Variants in CC2D2A observed in about 807,000 individuals in gnomAD.
The protein encoded by CC2D2A is coiled-coil and C2 domain containing 2A.
CC2D2A carries 155 observed loss-of-function variants against 212.9 expected under a neutral mutation model. That is an observed-to-expected ratio of 0.73 (90% CI 0.64 to 0.83). CC2D2A has a LOEUF of 0.83. Ranked by LOEUF, CC2D2A falls within the 40% of genes least tolerant of loss-of-function variation. The pLI is 0.00. For missense variants in CC2D2A, 1,856 were observed against 1,956.2 expected, an observed-to-expected ratio of 0.95 and a Z score of 0.97; for synonymous variants, 667 against 686.5, an observed-to-expected ratio of 0.97 and a Z score of 0.44.
chr4:15,514,862 G>C lies in CC2D2A; in HGVS notation c.873G>C (p.Arg291Ser). 1 of 1,613,332 alleles carries C rather than the reference G, an allele frequency of 6.2e-7. No homozygotes were observed. Among genetic ancestry groups the C allele is most frequent in the South Asian group, 1.1e-5 (1 of 91,024 alleles). The change falls in exon 9 of 37, where the codon AGG becomes AGC. Residue 291 changes from arginine to serine, a missense_variant. By Grantham distance (110) the Arg-to-Ser change is moderately radical (BLOSUM62 -1). Transcript: ENST00000424120. ...GAGAAATGCTCTTCATACCCAGTAGGCAGACAGGTACTTGCTCTTTTTATT... is the reference window on the plus strand; with the variant it reads ...GAGAAATGCTCTTCATACCCAGTAGCCAGACAGGTACTTGCTCTTTTTATT... Reference protein sequence around the residue: ...MEREMLFIPSRQTVPTYKKLP... With the variant: ...MEREMLFIPSSQTVPTYKKLP...
chr4:15,594,709 G>A (rs1325450304), intron 33 of CC2D2A, among the ~76,000 whole-genome samples: 1 of 152,170 alleles, frequency 6.6e-6, no homozygotes, highest in Non-Finnish European at 1.5e-5. Context: ...ACGAGAAAGG[G>A]TATGCATATA....
intron 4 of CC2D2A, among the ~76,000 whole-genome samples, chr4:15,493,221 G>A (rs1299207338): frequency 1.3e-5 from 2 of 151,816 alleles, no homozygotes; most frequent in Non-Finnish European, 2.9e-5. Flanking sequence ...GTCACCTGGA[G>A]GCCCTTACCT....
intron 4 of CC2D2A, among the ~76,000 whole-genome samples, chr4:15,492,484 C>A (rs1163091487): frequency 6.6e-6 from 1 of 150,620 alleles, no homozygotes; most frequent in South Asian, 2.1e-4. Flanking sequence ...AGAGTTAATG[C>A]CAAATTCTTT....
chr4:15,510,751 A>G (rs1049047946), intron 7 of CC2D2A, among the ~76,000 whole-genome samples: 10 of 152,194 alleles, frequency 6.6e-5, no homozygotes, highest in African/African-American at 2.2e-4. Flanking sequence ...ATGGAAAGAC[A>G]GGAAATGTTG....
chr4:15,575,942 T>A (rs2109079505), intron 29 of CC2D2A, among the ~76,000 whole-genome samples: 1 of 152,290 alleles, frequency 6.6e-6, no homozygotes, highest in Non-Finnish European at 1.5e-5. Flanking sequence ...GCAGAAAGGA[T>A]GAAAGCCCAA....
rs1204225662 is a variant in CC2D2A at position 15,550,928 on chromosome 4, G to A, written c.2286G>A (p.Val762=). Residue 762 remains valine (V), a synonymous_variant, in exon 18 of 37, where the codon GTG becomes GTA. Coordinates refer to ENST00000424120, the MANE Select transcript of CC2D2A (RefSeq NM_001378615.1). ...CTGGAAGGGCTCCTACTGAAGAAGT[G>A]GAGTTTAGCAGTAATCAGCATGTGA... ...VVTGRAPTEE[V]EFSSNQHVTL... 9.9e-6 allele frequency: 16 copies of A among 1,608,588 alleles called. No individual in the cohort carries two copies. In the Middle Eastern group the frequency reaches 6.7e-4, roughly 67 times the overall value.
intron 13 of CC2D2A, among the ~76,000 whole-genome samples, chr4:15,531,401 A>G (rs1017090037): frequency 2.0e-5 from 3 of 152,050 alleles, no homozygotes; most frequent in Non-Finnish European, 2.9e-5. Flanking sequence ...TTTGACCATC[A>G]TTCTCCTCTG....
chr4:15,589,429 C>T (rs1720993430), intron 32 of CC2D2A, 116 bp from the exon 33 acceptor site: 3 of 915,916 alleles, frequency 3.3e-6, no homozygotes, highest in Non-Finnish European at 4.9e-6. Context: ...CACCATTAAC[C>T]ATGAAATTTC....
chr4:15,553,497 T>C (rs376187436), intron 19 of CC2D2A, among the ~76,000 whole-genome samples, 192 bp downstream of exon 19: 59 of 152,350 alleles, frequency 3.9e-4, no homozygotes, highest in Middle Eastern at 6.8e-3. Flanking sequence ...AATTAAAATA[T>C]TAATAGCCTA....
intron 20 of CC2D2A, 72 bp downstream of exon 20, chr4:15,555,282 T>A: frequency 6.5e-7 from 1 of 1,543,796 alleles, no homozygotes; most frequent in Non-Finnish European, 8.8e-7. Flanking sequence ...CACTATCTTC[T>A]CCTATGCAAT....
chr4:15,537,416 G>A (rs1718192264), intron 15 of CC2D2A, among the ~76,000 whole-genome samples: 1 of 152,160 alleles, frequency 6.6e-6, no homozygotes, highest in South Asian at 2.1e-4. Context: ...TCCATTAAAT[G>A]TAGGGATTGA....
intron 1 of CC2D2A, among the ~76,000 whole-genome samples, chr4:15,471,566 T>C (rs1236631758): frequency 6.6e-6 from 1 of 151,716 alleles, no homozygotes; most frequent in Non-Finnish European, 1.5e-5. Flanking sequence ...ACACATTTCA[T>C]CATTTAGCCC....
In CC2D2A at chr4:15,571,666, G is replaced by C. The variant is rs138805334; in HGVS notation, c.3594+1170G>C. 9.0e-3 allele frequency among the ~76,000 whole-genome samples: 1,364 copies of C among 151,246 alleles called. 7 individuals carry two copies. Among genetic ancestry groups the C allele is most frequent in the South Asian group, 0.027 (130 of 4,758 alleles). On this transcript the variant is annotated intron_variant, in intron 28 of 36. Transcript: ENST00000424120. Reference sequence around the variant, plus strand: ...AGGCTTGAATTGGTTGGTATCCCAAGAATCAATTGGAAATGCAATCTTCCC... The same window carrying C: ...AGGCTTGAATTGGTTGGTATCCCAACAATCAATTGGAAATGCAATCTTCCC...
intron 28 of CC2D2A, among the ~76,000 whole-genome samples, chr4:15,573,794 A>G (rs1047719503): frequency 1.3e-5 from 2 of 152,234 alleles, no homozygotes; most frequent in Non-Finnish European, 2.9e-5. Context: ...TTCACTACTC[A>G]TAACAACCCC....
chr4:15,486,470 T>C (rs1232695737), intron 4 of CC2D2A, among the ~76,000 whole-genome samples: 1 of 152,120 alleles, frequency 6.6e-6, no homozygotes, highest in Admixed American at 6.5e-5. Flanking sequence ...TAATAGTCTC[T>C]AATAATCCTT....
At chr4:15,479,020 G>A (rs1414561659) in intron 3 of CC2D2A, among the ~76,000 whole-genome samples, 7 of 152,066 alleles carry the variant, frequency 4.6e-5, no homozygotes, top group African/African-American at 9.7e-5. Flanking sequence ...ACAATAAGGC[G>A]GGGGTCCATA....
chr4:15,501,077 C>T (rs1363315928), intron 4 of CC2D2A, among the ~76,000 whole-genome samples: 2 of 152,144 alleles, frequency 1.3e-5, no homozygotes, highest in South Asian at 4.1e-4. Flanking sequence ...CTCAGATTCC[C>T]TCACTTTTTC....
chr4:15,536,089 G>T (rs4698114), intron 14 of CC2D2A, among the ~76,000 whole-genome samples: 45,906 of 152,066 alleles, frequency 0.3, 7,864 homozygotes, highest in Non-Finnish European at 0.4. Flanking sequence ...GGAAACGGTG[G>T]TTTGAACTGG....
chr4:15,514,611 G>T, intron 8 of CC2D2A, 96 bp from the exon 9 acceptor site: 1 of 915,352 alleles, frequency 1.1e-6, no homozygotes, highest in African/African-American at 1.7e-5. Context: ...TAAAGTTGTA[G>T]GAAATGTTAA....
Sources: allele counts gnomAD v4.1 joint callset (sites outside exome capture counted in the v4.1 genomes callset), GRCh38; gene constraint gnomAD v4.1.1; transcripts MANE v1.5; gene names NCBI Gene and HGNC (gene_info 2026-07-23, HGNC 2026-07-21).